MAP3K5: variants seen among roughly 807,000 people sequenced by gnomAD.
MAP3K5 encodes the protein ASK-1.
MAP3K5 carries 56 observed loss-of-function variants against 158.7 expected under a neutral mutation model. The observed-to-expected ratio is 0.35, with a 90% CI of 0.28 to 0.44. The LOEUF (loss-of-function observed/expected upper bound fraction) is 0.44, where lower values mean the gene tolerates loss of function less well. Ranked by LOEUF, MAP3K5 falls within the 20% of genes least tolerant of loss-of-function variation. The pLI, the probability that MAP3K5 is intolerant of heterozygous loss-of-function variation, is 1.00. For missense variants in MAP3K5, 1,294 were observed against 1,674.8 expected, an observed-to-expected ratio of 0.77 and a Z score of 3.97; for synonymous variants, 579 against 601.7, an observed-to-expected ratio of 0.96 and a Z score of 0.55.
At chr6:136,772,018 C>A (rs987406147) in intron 1 of MAP3K5, among the ~76,000 whole-genome samples, 3 of 151,616 alleles carry the variant, frequency 2.0e-5, no homozygotes, top group African/African-American at 7.3e-5. Context: ...AAGCGATTCT[C>A]CTGCCTCAGC....
At chr6:136,714,677 C>CT (rs1159459463) in intron 2 of MAP3K5, among the ~76,000 whole-genome samples, 1 of 152,092 alleles carries the variant, frequency 6.6e-6, no homozygotes, top group Non-Finnish European at 1.5e-5. Flanking sequence ...GGTATATAAA[C>CT]ACCTCTTCAA....
intron 1 of MAP3K5, among the ~76,000 whole-genome samples, chr6:136,768,950 T>G (rs1264379328): frequency 6.6e-6 from 1 of 151,068 alleles, no homozygotes; most frequent in Non-Finnish European, 1.5e-5. Context: ...GGCTTGGTGA[T>G]TCCTCAAAAA....
rs12183239 is a variant in MAP3K5, at chr6:136,642,014, A to T, written c.1838+506T>A. Among the ~76,000 whole-genome samples, 61 of 59,350 alleles carry T rather than the reference A, an allele frequency of 1.0e-3. 1 individual carries two copies. The highest frequency in any genetic ancestry group is 6.1e-3 in the East Asian group (13 of 2,116). The allele number at this position is 59,350 out of a possible 152,430, so 38.9% of individuals were successfully genotyped here. A position where few individuals can be genotyped will look rare whatever the true frequency, so the allele number is the denominator to read the frequency against. On this transcript the variant is annotated intron_variant, in intron 12 of 29. Coordinates refer to ENST00000359015, the MANE Select transcript of MAP3K5 (RefSeq NM_005923.4). Reference sequence around the variant, plus strand: ...ACAAAATAAAATAAAATAAAATAAAATAAATAAAATAAAATAAAAATAAAA... The same window carrying T: ...ACAAAATAAAATAAAATAAAATAAATTAAATAAAATAAAATAAAAATAAAA...
At chr6:136,685,454 A>G (rs935199481) in intron 7 of MAP3K5, among the ~76,000 whole-genome samples, 1 of 152,244 alleles carries the variant, frequency 6.6e-6, no homozygotes, top group African/African-American at 2.4e-5. Flanking sequence ...GCCATTTAGT[A>G]CTTGAATCAG....
At position 136,691,987 on chromosome 6, in the gene MAP3K5, T is replaced by C. The variant is rs532891589; in HGVS notation, c.1253+2153A>G. On this transcript the variant is annotated intron_variant, in intron 7 of 29. Transcript: ENST00000359015. Reference sequence around the variant, plus strand: ...TGTTTTATCTATGGGTTTATTTCTATGAATAATTTTTTTCTTAATTATGAA... The same window carrying C: ...TGTTTTATCTATGGGTTTATTTCTACGAATAATTTTTTTCTTAATTATGAA... 2.0e-5 allele frequency among the ~76,000 whole-genome samples: 3 copies of C among 152,310 alleles called. No individual in the cohort carries two copies. In the East Asian group the frequency reaches 5.8e-4, roughly 29 times the overall value.
intron 1 of MAP3K5, among the ~76,000 whole-genome samples, chr6:136,785,647 A>G (rs1359641431): frequency 6.6e-6 from 1 of 152,086 alleles, no homozygotes; most frequent in Non-Finnish European, 1.5e-5. Flanking sequence ...TCCTGCTGGC[A>G]TTGCCTCCTC....
At chr6:136,586,070 T>C (rs1047595680) in intron 23 of MAP3K5, among the ~76,000 whole-genome samples, 11 of 152,254 alleles carry the variant, frequency 7.2e-5, no homozygotes, top group Admixed American at 2.0e-4. Flanking sequence ...CTCATGTTTA[T>C]GTTTTCATGA....
At chr6:136,562,640 G>T in intron 26 of MAP3K5, 25 bp from the exon 27 acceptor site, 1 of 1,206,200 alleles carries the variant, frequency 8.3e-7, no homozygotes, top group Non-Finnish European at 1.2e-6. Flanking sequence ...TATATTGTTT[G>T]ACAGGAGGTG....
intron 7 of MAP3K5, among the ~76,000 whole-genome samples, chr6:136,672,211 C>T (rs529996752): frequency 2.6e-5 from 4 of 152,136 alleles, no homozygotes; most frequent in Admixed American, 6.5e-5. Context: ...TACTTGGGAG[C>T]CATTACTTCT....
chr6:136,659,709 A>T lies in MAP3K5; in HGVS notation c.1367-331T>A, dbSNP rs192854814. On this transcript the variant is annotated intron_variant, in intron 8 of 29. Coordinates refer to ENST00000359015, the MANE Select transcript of MAP3K5 (RefSeq NM_005923.4). ...GAAAGCAGAATAGAGGTTACTAGGG[A>T]CTGGGGGAAGAAGGGAATGAGGACT... Among the ~76,000 whole-genome samples the T allele has an allele frequency of 4.4e-3, 671 of 152,294 alleles. 3 individuals carry two copies. The highest frequency in any genetic ancestry group is 8.2e-3 in the Admixed American group (126 of 15,292).
intron 1 of MAP3K5, among the ~76,000 whole-genome samples, chr6:136,788,042 T>C (rs1169148670): frequency 2.6e-5 from 4 of 152,218 alleles, no homozygotes; most frequent in Non-Finnish European, 5.9e-5. Flanking sequence ...GGTTGGAACA[T>C]AGTCATGATC....
Position 136,705,141 on chromosome 6 carries a change from A to C in MAP3K5, c.589-8T>G, listed in dbSNP as rs200696881. The C allele has an allele frequency of 1.9e-5, 22 of 1,173,288 alleles. No individual in the cohort carries two copies. Among genetic ancestry groups the C allele is most frequent in the Non-Finnish European group, 2.5e-5 (21 of 827,826 alleles). The allele number at this position is 1,173,288 out of a possible 1,614,324, so 72.7% of individuals were successfully genotyped here. A position where few individuals can be genotyped will look rare whatever the true frequency, so the allele number is the denominator to read the frequency against. On this transcript the variant is annotated splice_region_variant and splice_polypyrimidine_tract_variant and intron_variant, in intron 2 of 29. Coordinates refer to ENST00000359015, the MANE Select transcript of MAP3K5 (RefSeq NM_005923.4). Reference sequence around the variant, plus strand: ...CTTCTGGCAAATTATTTCCTGAAAAACAAGAAAAAAAATATACCACAAGTT... The same window carrying C: ...CTTCTGGCAAATTATTTCCTGAAAACCAAGAAAAAAAATATACCACAAGTT...
chr6:136,781,522 G>A (rs1784611504), intron 1 of MAP3K5, among the ~76,000 whole-genome samples: 1 of 152,222 alleles, frequency 6.6e-6, no homozygotes, highest in Non-Finnish European at 1.5e-5. Context: ...GTAGTATAGA[G>A]AACGAAACAT....
At chr6:136,692,537 C>G (rs1046394062) in intron 7 of MAP3K5, among the ~76,000 whole-genome samples, 26 of 152,150 alleles carry the variant, frequency 1.7e-4, no homozygotes, top group African/African-American at 6.0e-4. Flanking sequence ...GAAAACCTTT[C>G]CAGTTTCTAG....
chr6:136,645,102 T>A (rs976490296), intron 11 of MAP3K5, among the ~76,000 whole-genome samples: 16 of 152,104 alleles, frequency 1.1e-4, no homozygotes, highest in South Asian at 6.2e-4. Flanking sequence ...TTAATTTTTT[T>A]AAATTTTTTT....
intron 12 of MAP3K5, among the ~76,000 whole-genome samples, chr6:136,642,001 AAAATAAAATAAAAT>A (rs1777969499): frequency 1.6e-5 from 2 of 125,374 alleles, no homozygotes; most frequent in East Asian, 2.2e-4. Flanking sequence ...AAAATAAAAT[AAAATAAAATAAAAT>A]AAATAAAATA....
intron 14 of MAP3K5, among the ~76,000 whole-genome samples, chr6:136,624,915 G>A (rs79938093): frequency 0.014 from 2,165 of 152,268 alleles, 19 homozygotes; most frequent in Non-Finnish European, 0.024. Context: ...TGGCAAGATG[G>A]TAGACCAGAT....
At chr6:136,741,907 A>G (rs1035039595) in intron 1 of MAP3K5, among the ~76,000 whole-genome samples, 2 of 152,216 alleles carry the variant, frequency 1.3e-5, no homozygotes, top group African/African-American at 4.8e-5. Context: ...AGCACCCCCA[A>G]AAATGAAGTA....
chr6:136,563,997 C>T (rs1830628873), intron 26 of MAP3K5, among the ~76,000 whole-genome samples: 1 of 152,150 alleles, frequency 6.6e-6, no homozygotes, highest in Non-Finnish European at 1.5e-5. Context: ...CCTGCACTTC[C>T]TGTGTTAACC....
Sources: gnomAD v4.1 joint callset for allele counts (sites outside exome capture counted in the v4.1 genomes callset) on GRCh38, gnomAD v4.1.1 for gene constraint, MANE v1.5 for transcripts, NCBI Gene and HGNC (gene_info 2026-07-23, HGNC 2026-07-21) for gene names.